MRRF: variants seen among roughly 807,000 people sequenced by gnomAD.
MRRF encodes the protein ribosome-recycling factor, mitochondrial.
MRRF carries 18 observed loss-of-function variants against 25.1 expected under a neutral mutation model. That is an observed-to-expected ratio of 0.72 (90% CI 0.50 to 1.06). The LOEUF is 1.06. Among genes scored for constraint, MRRF ranks in the 50% least tolerant of loss-of-function variants. The pLI, the probability that MRRF is intolerant of heterozygous loss-of-function variation, is 0.00. For missense variants in MRRF, 323 were observed against 319.3 expected, an observed-to-expected ratio of 1.01 and a Z score of -0.09; for synonymous variants, 113 against 112.1, an observed-to-expected ratio of 1.01 and a Z score of -0.05.
chr9:122,290,066 GAAAAAA>G (rs1427087247), intron 4 of MRRF, among the ~76,000 whole-genome samples: 4 of 149,226 alleles, frequency 2.7e-5, no homozygotes, highest in Non-Finnish European at 4.5e-5. Context: ...AAAAAAAAAA[GAAAAAA>G]GAAAAAGAAA....
rs1367506054 is a variant in MRRF at position 122,324,760 on chromosome 9, A to T, written c.*2143A>T. On this transcript the variant is annotated 3_prime_UTR_variant, in exon 7 of 7. Transcript: ENST00000344641. ...ATTCTCTCCTGTGCTGGAGGTAATA[A>T]GGGTTGCACTTCCCTCTTTACTTAC... 1 of 152,188 alleles carries T rather than the reference A, an allele frequency of 6.6e-6. No individual in the cohort carries two copies. The highest frequency in any genetic ancestry group is 2.4e-5 in the African/African-American group (1 of 41,442). 9.4% of individuals were successfully genotyped at this position (152,188 alleles called of 1,614,324 possible).
At position 122,328,557 on chromosome 9, in the gene MRRF, T is replaced by C. The variant is rs973980508; in HGVS notation, c.*5940T>C. On this transcript the variant is annotated 3_prime_UTR_variant, in exon 7 of 7. Coordinates refer to ENST00000344641, the MANE Select transcript of MRRF (RefSeq NM_138777.5). ...CCATATTGTAGCATGTATCAGAATT[T>C]CCTTTCTAAGGCTGAGTAATCTGTT... is the stretch of plus-strand genomic sequence containing the variant. 2 of 152,248 alleles carry C rather than the reference T, an allele frequency of 1.3e-5. No individual in the cohort carries two copies. Among genetic ancestry groups the C allele is most frequent in the East Asian group, 1.9e-4 (1 of 5,202 alleles). 9.4% of individuals were successfully genotyped at this position (152,248 alleles called of 1,614,324 possible).
chr9:122,289,320 ACC>A (rs1833607981), intron 4 of MRRF, among the ~76,000 whole-genome samples: 1 of 152,214 alleles, frequency 6.6e-6, no homozygotes, highest in Non-Finnish European at 1.5e-5. Flanking sequence ...CTGAGCACTT[ACC>A]ATGTACCTGG....
At chr9:122,293,399 C>G (rs1833894182) in intron 5 of MRRF, among the ~76,000 whole-genome samples, 1 of 152,158 alleles carries the variant, frequency 6.6e-6, no homozygotes, top group Non-Finnish European at 1.5e-5. Context: ...GGGACCCAAA[C>G]CCAGGTTTAG....
Position 122,329,376 on chromosome 9 carries a change from C to A in MRRF, c.*6759C>A, listed in dbSNP as rs1836223145. 6.6e-6 allele frequency: 1 copy of A among 152,264 alleles called. No homozygotes were observed. Among genetic ancestry groups the A allele is most frequent in the Non-Finnish European group, 1.5e-5 (1 of 68,078 alleles). The allele number at this position is 152,264 out of a possible 1,614,324, so 9.4% of individuals were successfully genotyped here. ...CCTAGTCTTATAAGCCCTTCTTGGT[C>A]CCATGTTCTTCCTTACACTAACTCA... On this transcript the variant is annotated 3_prime_UTR_variant, in exon 7 of 7. Coordinates refer to ENST00000344641, the MANE Select transcript of MRRF (RefSeq NM_138777.5).
rs1330463495 is a variant in MRRF at position 122,327,727 on chromosome 9, T to C, written c.*5110T>C. On this transcript the variant is annotated 3_prime_UTR_variant, in exon 7 of 7. Coordinates refer to ENST00000344641, the MANE Select transcript of MRRF (RefSeq NM_138777.5). ...ATACATAGCGCTCCAGACGCTTACA[T>C]CTTCTTTATTTCATTCAGTGCTCTT... The C allele has an allele frequency of 2.6e-5, 4 of 152,180 alleles. No homozygotes were observed. Among genetic ancestry groups the C allele is most frequent in the Non-Finnish European group, 5.9e-5 (4 of 68,032 alleles). 9.4% of individuals were successfully genotyped at this position (152,180 alleles called of 1,614,324 possible).
intron 6 of MRRF, among the ~76,000 whole-genome samples, chr9:122,316,499 TA>T (rs1274594379): frequency 1.3e-5 from 2 of 152,146 alleles, no homozygotes; most frequent in Admixed American, 1.3e-4. Flanking sequence ...GGATTGTTAA[TA>T]ACTTAATTTA....
At chr9:122,318,536 A>G (rs1215080867) in intron 6 of MRRF, among the ~76,000 whole-genome samples, 1 of 152,226 alleles carries the variant, frequency 6.6e-6, no homozygotes, top group African/African-American at 2.4e-5. Context: ...CAGGCAAGGC[A>G]GCGGGTGTTT....
At chr9:122,314,528 G>A (rs1835397517) in intron 6 of MRRF, among the ~76,000 whole-genome samples, 1 of 152,206 alleles carries the variant, frequency 6.6e-6, no homozygotes, top group Non-Finnish European at 1.5e-5. Flanking sequence ...CACTTGGGTA[G>A]CTTATAAAAA....
intron 5 of MRRF, among the ~76,000 whole-genome samples, chr9:122,306,119 G>T (rs888339957): frequency 3.9e-5 from 6 of 152,194 alleles, no homozygotes; most frequent in Admixed American, 6.5e-5. Context: ...CCACTATGCT[G>T]TGTTCTCCCC....
intron 3 of MRRF, among the ~76,000 whole-genome samples, 159 bp from the exon 4 acceptor site, chr9:122,285,010 C>T (rs1833296978): frequency 6.6e-6 from 1 of 152,184 alleles, no homozygotes; most frequent in South Asian, 2.1e-4. Flanking sequence ...AGGTTGGTCT[C>T]AAACTACTGC....
intron 6 of MRRF, among the ~76,000 whole-genome samples, chr9:122,318,123 G>A (rs1174047895): frequency 5.3e-5 from 8 of 151,970 alleles, no homozygotes; most frequent in Non-Finnish European, 1.2e-4. Context: ...GTGACAGAGC[G>A]AGACTCCATC....
intron 5 of MRRF, among the ~76,000 whole-genome samples, chr9:122,297,988 G>T (rs1467757165): frequency 6.6e-6 from 1 of 152,078 alleles, no homozygotes; most frequent in Non-Finnish European, 1.5e-5. Context: ...CTGTATTCTA[G>T]GCTCTATACT....
At chr9:122,300,355 A>C (rs1040215885) in intron 5 of MRRF, among the ~76,000 whole-genome samples, 11 of 152,194 alleles carry the variant, frequency 7.2e-5, no homozygotes, top group African/African-American at 2.7e-4. Flanking sequence ...GCATACCTTC[A>C]TGCCCACTGC....
intron 6 of MRRF, among the ~76,000 whole-genome samples, chr9:122,320,056 T>C (rs192810596): frequency 8.0e-4 from 122 of 151,784 alleles, no homozygotes; most frequent in Non-Finnish European, 1.6e-3. Context: ...TTGTGTTTTT[T>C]TAGAGATGGG....
chr9:122,304,062 A>AACACACACACACACACAC (rs66775611), intron 5 of MRRF, among the ~76,000 whole-genome samples: 83 of 139,884 alleles, frequency 5.9e-4, no homozygotes, highest in African/African-American at 1.9e-3. Context: ...ACCCTTTTCT[A>AACACACACACACACACAC]ACACACACAC....
intron 5 of MRRF, among the ~76,000 whole-genome samples, chr9:122,301,298 G>C (rs1834439237): frequency 6.6e-6 from 1 of 152,214 alleles, no homozygotes. Flanking sequence ...GGGAGAGCAA[G>C]CTGGGTAAGG....
At chr9:122,311,219 A>G (rs905902181) in intron 5 of MRRF, among the ~76,000 whole-genome samples, 3 of 152,180 alleles carry the variant, frequency 2.0e-5, no homozygotes, top group African/African-American at 7.2e-5. Context: ...GTGCCTTGCC[A>G]TCACCCTAAC....
intron 4 of MRRF, among the ~76,000 whole-genome samples, chr9:122,288,421 T>C (rs1247779009): frequency 1.3e-5 from 2 of 152,192 alleles, no homozygotes; most frequent in African/African-American, 4.8e-5. Context: ...ATTTTATAGA[T>C]GAGGAAACTG....
Sources: allele counts gnomAD v4.1 joint callset (sites outside exome capture counted in the v4.1 genomes callset), GRCh38; gene constraint gnomAD v4.1.1; transcripts MANE v1.5; gene names NCBI Gene and HGNC (gene_info 2026-07-23, HGNC 2026-07-21).